NFIB: variants seen among roughly 807,000 people sequenced by gnomAD.
NFIB encodes nuclear factor 1 B-type.
NFIB carries 11 observed loss-of-function variants against 61.5 expected under a neutral mutation model. That is an observed-to-expected ratio of 0.18 (90% confidence interval 0.11 to 0.30). The LOEUF is 0.30. Ranked by LOEUF, NFIB falls within the 10% of genes least tolerant of loss-of-function variation. NFIB has a pLI of 1.00. For synonymous variants in NFIB, 260 were observed against 216.5 expected, an observed-to-expected ratio of 1.20 and a Z score of -1.76; for missense variants, 471 against 608.9, an observed-to-expected ratio of 0.77 and a Z score of 2.38.
rs1461916339 is a variant in NFIB, at chr9:14,158,369, C to A, written c.617-2476G>T. 1.2e-4 allele frequency among the ~76,000 whole-genome samples: 18 copies of A among 152,322 alleles called. No homozygotes were observed. The East Asian group carries it at 2.5e-3, about 21-fold the overall frequency. ...ACTGCTCCTCCAACTCCTTCTACCA[C>A]CCACTGGCCCAGCCAGAAATCTCCT... On this transcript the variant is annotated intron_variant, in intron 3 of 10. Coordinates refer to ENST00000380953, the MANE Select transcript of NFIB (RefSeq NM_001190737.2).
At chr9:14,231,733 C>T (rs2053215425) in intron 2 of NFIB, among the ~76,000 whole-genome samples, 2 of 152,116 alleles carry the variant, frequency 1.3e-5, no homozygotes, top group South Asian at 2.1e-4. Context: ...TGACAGGACA[C>T]GTGAATGGCT....
chr9:14,499,074 GTGTT>G, the NFIB span, among the ~76,000 whole-genome samples: 44 of 152,078 alleles, frequency 2.9e-4, 1 homozygote, highest in African/African-American at 9.4e-4. Flanking sequence ...GTGGGTGTGT[GTGTT>G]TGTGTGTGTG....
At chr9:14,431,636 T>C in the NFIB span, among the ~76,000 whole-genome samples, 1 of 124,598 alleles carries the variant, frequency 8.0e-6, no homozygotes, top group Admixed American at 7.3e-5. Flanking sequence ...TTGTTTTGTT[T>C]TTTTTTTTTT....
At chr9:14,330,019 C>G (rs943036743) in intron 1 of NFIB, among the ~76,000 whole-genome samples, 1 of 151,842 alleles carries the variant, frequency 6.6e-6, no homozygotes, top group African/African-American at 2.4e-5. Flanking sequence ...CTCAGCTACT[C>G]GGGAAGCTGA....
At chr9:14,106,342 A>G (rs1403678897) in intron 10 of NFIB, among the ~76,000 whole-genome samples, 1 of 152,198 alleles carries the variant, frequency 6.6e-6, no homozygotes, top group African/African-American at 2.4e-5. Flanking sequence ...CCAATATGAA[A>G]TTCTATTGTC....
At chr9:14,236,238 T>C (rs1032404286) in intron 2 of NFIB, among the ~76,000 whole-genome samples, 9 of 152,232 alleles carry the variant, frequency 5.9e-5, no homozygotes, top group Admixed American at 4.6e-4. Flanking sequence ...TTATGGCTAC[T>C]GCTTTTGACT....
chr9:14,503,163 T>C, the NFIB span, among the ~76,000 whole-genome samples: 1 of 151,102 alleles, frequency 6.6e-6, no homozygotes, highest in African/African-American at 2.4e-5. Context: ...AATATATATA[T>C]ATATCATTTT....
At chr9:14,106,608 C>G (rs1248321890) in intron 10 of NFIB, among the ~76,000 whole-genome samples, 1 of 152,030 alleles carries the variant, frequency 6.6e-6, no homozygotes, top group Non-Finnish European at 1.5e-5. Context: ...CATCTGGTTC[C>G]TCTCAAATGG....
At chr9:14,226,756 C>A (rs542314487) in intron 2 of NFIB, among the ~76,000 whole-genome samples, 102 of 152,156 alleles carry the variant, frequency 6.7e-4, no homozygotes, top group Non-Finnish European at 1.3e-3. Flanking sequence ...TTTCGATGGA[C>A]TAATAATTAA....
At position 14,313,718 on chromosome 9, in the gene NFIB, A is replaced by G. The variant is rs940958908; in HGVS notation, c.-207T>C. On this transcript the variant is annotated 5_prime_UTR_variant, in exon 1 of 11. Coordinates refer to ENST00000380953, the MANE Select transcript of NFIB (RefSeq NM_001190737.2). The surrounding 1 kb of genome is among the most constrained non-coding windows in gnomAD (Gnocchi z 4.5). ...AGTTCACTCGGCGTGCTAGATTTCC[A>G]GGGGTGAAATCCAATCTACACTTTT... 10 of 1,405,486 alleles carry G rather than the reference A, an allele frequency of 7.1e-6. No individual in the cohort carries two copies. The highest frequency in any genetic ancestry group is 2.8e-5 in the Admixed American group (1 of 35,210). 87.1% of individuals were successfully genotyped at this position (1,405,486 alleles called of 1,614,324 possible). A position where few individuals can be genotyped will look rare whatever the true frequency, so the allele number is the denominator to read the frequency against.
At chr9:14,530,477 C>A in the NFIB span, among the ~76,000 whole-genome samples, 1 of 151,704 alleles carries the variant, frequency 6.6e-6, no homozygotes, top group Non-Finnish European at 1.5e-5. Context: ...TCTGAGAGTA[C>A]TCAAAACAGC....
chr9:14,373,935 T>C (rs946698265), intron 1 of NFIB, among the ~76,000 whole-genome samples: 2 of 152,186 alleles, frequency 1.3e-5, no homozygotes, highest in African/African-American at 4.8e-5. Context: ...TTTCTGAAGA[T>C]GACATCGGAT....
At chr9:14,310,105 C>T (rs904391403) in intron 1 of NFIB, among the ~76,000 whole-genome samples, 5 of 152,100 alleles carry the variant, frequency 3.3e-5, no homozygotes, top group Admixed American at 6.5e-5. Flanking sequence ...ATCTATCACA[C>T]AAGAAAGCTC....
intron 2 of NFIB, among the ~76,000 whole-genome samples, chr9:14,282,830 C>G (rs193106250): frequency 1.2e-3 from 180 of 152,290 alleles, no homozygotes; most frequent in African/African-American, 3.9e-3. Context: ...GGTTCAAATA[C>G]TTGTTCCTCC....
intron 2 of NFIB, among the ~76,000 whole-genome samples, chr9:14,233,934 G>C (rs528170093): frequency 6.6e-6 from 1 of 152,082 alleles, no homozygotes; most frequent in Non-Finnish European, 1.5e-5. Flanking sequence ...GAAAATTTTT[G>C]TTTAATTTAT....
At chr9:14,429,504 T>C in the NFIB span, among the ~76,000 whole-genome samples, 1 of 152,204 alleles carries the variant, frequency 6.6e-6, no homozygotes, top group Non-Finnish European at 1.5e-5. Context: ...AGGGTGATGT[T>C]ACTAGTTAAG....
upstream of NFIB, among the ~76,000 whole-genome samples, chr9:14,314,903 G>A (rs1042932242): frequency 6.6e-6 from 1 of 151,702 alleles, no homozygotes; most frequent in African/African-American, 2.4e-5. Flanking sequence ...GCTCGCTGCG[G>A]ACTCTTTTAA....
intron 10 of NFIB, among the ~76,000 whole-genome samples, chr9:14,110,612 T>C (rs2037216070): frequency 6.6e-6 from 1 of 152,096 alleles, no homozygotes; most frequent in Non-Finnish European, 1.5e-5. Flanking sequence ...TGTAAAGTAA[T>C]GAAAGGACAC....
chr9:14,226,481 G>T (rs1251248626), intron 2 of NFIB, among the ~76,000 whole-genome samples: 1 of 151,434 alleles, frequency 6.6e-6, no homozygotes, highest in African/African-American at 2.4e-5. Context: ...GCATGCGGTG[G>T]TGCCTGCAGT....
Sources: gnomAD v4.1 joint callset for allele counts (sites outside exome capture counted in the v4.1 genomes callset) on GRCh38, gnomAD v4.1.1 for gene constraint, Gnocchi (gnomAD v3.1) non-coding constraint, MANE v1.5 for transcripts, NCBI Gene and HGNC (gene_info 2026-07-23, HGNC 2026-07-21) for gene names.